RNF180: variants seen among roughly 807,000 people sequenced by gnomAD.
RNF180 encodes ring finger protein 180, also known as E3 ubiquitin-protein ligase RNF180.
A neutral mutation model predicts 59.2 loss-of-function variants in RNF180; 38 were observed. The observed-to-expected ratio is 0.64, with a 90% CI of 0.50 to 0.84. RNF180 has a LOEUF of 0.84. Ranked by LOEUF, RNF180 falls within the 40% of genes least tolerant of loss-of-function variation. The pLI is 0.00. For missense variants in RNF180, 705 were observed against 700.9 expected, an observed-to-expected ratio of 1.01 and a Z score of -0.07; for synonymous variants, 262 against 240.3, an observed-to-expected ratio of 1.09 and a Z score of -0.84.
At chr5:64,171,295 C>G (rs375479726) in intron 1 of RNF180, among the ~76,000 whole-genome samples, 4 of 152,324 alleles carry the variant, frequency 2.6e-5, no homozygotes, top group African/African-American at 9.6e-5. Context: ...CATGAATTAA[C>G]TGTCCAGTAA....
chr5:64,320,246 A>G (rs1744279220), intron 5 of RNF180, among the ~76,000 whole-genome samples: 1 of 152,156 alleles, frequency 6.6e-6, no homozygotes, highest in South Asian at 2.1e-4. Flanking sequence ...TCCCATGTAA[A>G]GAAAAGCTAG....
chr5:64,345,460 A>C (rs2112571070), intron 7 of RNF180, among the ~76,000 whole-genome samples: 1 of 152,320 alleles, frequency 6.6e-6, no homozygotes, highest in South Asian at 2.1e-4. Context: ...GAAATACCAT[A>C]ATAACCCCAA....
intron 5 of RNF180, among the ~76,000 whole-genome samples, chr5:64,304,377 A>G (rs1016481640): frequency 6.6e-6 from 1 of 151,650 alleles, no homozygotes; most frequent in Admixed American, 6.6e-5. Context: ...GGCAAAGCAC[A>G]TGGAAAACCT....
chr5:64,175,264 G>A (rs112919691), intron 1 of RNF180, among the ~76,000 whole-genome samples: 3,329 of 152,202 alleles, frequency 0.022, 91 homozygotes, highest in African/African-American at 0.056. Flanking sequence ...ACTGTGCCTC[G>A]CCAATCCGTT....
chr5:64,354,084 AC>A (rs1352305599), intron 7 of RNF180, among the ~76,000 whole-genome samples: 2 of 151,670 alleles, frequency 1.3e-5, no homozygotes, highest in Admixed American at 6.6e-5. Flanking sequence ...AGCACTCTAA[AC>A]CCCAAGCTAG....
chr5:64,242,696 AAAT>A lies in RNF180; in HGVS notation c.1227+25305_1227+25307del, dbSNP rs367875464. Among the ~76,000 whole-genome samples, 14 of 152,300 alleles carry A rather than the reference AAAT, an allele frequency of 9.2e-5. 1 individual carries two copies. The highest frequency in any genetic ancestry group is 3.4e-4 in the African/African-American group (14 of 41,580). On this transcript the variant is annotated intron_variant, in intron 5 of 7. Transcript: ENST00000389100. ...AACCTTTCAACCTGGAAAAAGATGT[AAAT>A]AATACAGGTAAAGGAAAGACAAAGA...
intron 7 of RNF180, among the ~76,000 whole-genome samples, chr5:64,368,985 A>G (rs1224896912): frequency 1.3e-5 from 2 of 152,120 alleles, no homozygotes; most frequent in South Asian, 2.1e-4. Flanking sequence ...ACTATAAATC[A>G]TGCTGCTATA....
intron 2 of RNF180, among the ~76,000 whole-genome samples, chr5:64,207,990 A>G (rs1291241173): frequency 5.3e-5 from 8 of 152,064 alleles, no homozygotes; most frequent in Non-Finnish European, 7.4e-5. Context: ...CCAAAATATT[A>G]TGTAATAATA....
In RNF180 at chr5:64,212,076, T is replaced by C; in HGVS notation, c.147T>C (p.Asp49=). 2 of 1,580,042 alleles carry C rather than the reference T, an allele frequency of 1.3e-6. No individual in the cohort carries two copies. The highest frequency in any genetic ancestry group is 8.7e-7 in the Non-Finnish European group (1 of 1,149,260). ...LENQVIKDKD[D]SVDAQNICHV... ...TTTTTATTTAACAGGATAAAGATGA[T>C]TCAGTTGATGCTCAAAATATTTGTC... Residue 49 remains aspartate (D), a synonymous_variant, in exon 3 of 8, where the codon GAT becomes GAC. Transcript: ENST00000389100.
intron 5 of RNF180, among the ~76,000 whole-genome samples, chr5:64,232,092 T>C (rs1742133886): frequency 6.6e-6 from 1 of 152,066 alleles, no homozygotes; most frequent in Admixed American, 6.5e-5. Flanking sequence ...ACGTTTCCTG[T>C]CTATTAGATA....
intron 5 of RNF180, among the ~76,000 whole-genome samples, chr5:64,321,550 C>T (rs1432974211): frequency 6.6e-6 from 1 of 152,152 alleles, no homozygotes; most frequent in Non-Finnish European, 1.5e-5. Context: ...GTTTCATCCT[C>T]GTGGATAGGA....
At chr5:64,330,722 G>A (rs886257412) in intron 7 of RNF180, among the ~76,000 whole-genome samples, 5 of 152,318 alleles carry the variant, frequency 3.3e-5, no homozygotes, top group East Asian at 3.9e-4. Flanking sequence ...TTATGGCAGC[G>A]GCAGCCCATC....
chr5:64,204,519 A>G (rs1322465118), intron 2 of RNF180, among the ~76,000 whole-genome samples: 4 of 151,754 alleles, frequency 2.6e-5, no homozygotes, highest in African/African-American at 9.7e-5. Context: ...TTTCTTGCCT[A>G]TTTTTCTATT....
intron 7 of RNF180, among the ~76,000 whole-genome samples, chr5:64,357,720 T>TAAAAA (rs1238569009): frequency 5.8e-4 from 88 of 151,820 alleles, no homozygotes; most frequent in Admixed American, 5.8e-3. Flanking sequence ...AGATAGTTTT[T>TAAAAA]CTATCTCTGA....
At chr5:64,230,947 G>C (rs1742065686) in intron 5 of RNF180, among the ~76,000 whole-genome samples, 1 of 152,110 alleles carries the variant, frequency 6.6e-6, no homozygotes, top group Non-Finnish European at 1.5e-5. Context: ...ATCATAATTT[G>C]ACATAAATGA....
chr5:64,229,063 A>G (rs949206360), intron 5 of RNF180, among the ~76,000 whole-genome samples: 11 of 151,872 alleles, frequency 7.2e-5, no homozygotes, highest in African/African-American at 2.7e-4. Context: ...GTGCAACTAC[A>G]GGCACACATC....
intron 5 of RNF180, among the ~76,000 whole-genome samples, chr5:64,223,411 A>AGT (rs1741475364): frequency 6.6e-6 from 1 of 152,234 alleles, no homozygotes; most frequent in Non-Finnish European, 1.5e-5. Context: ...TAGGACCTGG[A>AGT]CATCTTTGGG....
At chr5:64,358,475 A>G (rs1275263804) in intron 7 of RNF180, among the ~76,000 whole-genome samples, 1 of 151,772 alleles carries the variant, frequency 6.6e-6, no homozygotes, top group East Asian at 1.9e-4. Context: ...TGTAATGGAT[A>G]ATCTTTTATA....
intron 1 of RNF180, among the ~76,000 whole-genome samples, chr5:64,174,708 C>T (rs757324614): frequency 1.6e-4 from 25 of 152,184 alleles, no homozygotes; most frequent in Middle Eastern, 6.8e-3. Context: ...GATATTAACT[C>T]AGATGCATAG....
Sources: allele counts gnomAD v4.1 joint callset (sites outside exome capture counted in the v4.1 genomes callset), GRCh38; gene constraint gnomAD v4.1.1; transcripts MANE v1.5; gene names NCBI Gene and HGNC (gene_info 2026-07-23, HGNC 2026-07-21).